PTPMT1: variants seen among roughly 807,000 people sequenced by gnomAD.
The protein encoded by PTPMT1 is phosphatidylglycerophosphatase and protein-tyrosine phosphatase 1.
A neutral mutation model predicts 17.8 loss-of-function variants in PTPMT1; 12 were observed. That is an observed-to-expected ratio of 0.67 (90% CI 0.43 to 1.09). The LOEUF (loss-of-function observed/expected upper bound fraction) is 1.09, where lower values mean the gene tolerates loss of function less well. PTPMT1 is among the 50% of genes least tolerant of loss of function. PTPMT1 has a pLI of 0.00. For missense variants in PTPMT1, 262 were observed against 266.0 expected, an observed-to-expected ratio of 0.99 and a Z score of 0.10; for synonymous variants, 132 against 116.8, an observed-to-expected ratio of 1.13 and a Z score of -0.84.
At chr11:47,568,937 C>T (rs568044068) in intron 2 of PTPMT1, among the ~76,000 whole-genome samples, 3 of 151,716 alleles carry the variant, frequency 2.0e-5, no homozygotes, top group East Asian at 2.0e-4. Flanking sequence ...GTGATCTGCC[C>T]GCCTTGGCCT....
chr11:47,569,691 T>C lies in PTPMT1; in HGVS notation c.256-9T>C. 1 of 1,592,266 alleles carries C rather than the reference T, an allele frequency of 6.3e-7. No homozygotes were observed. Among genetic ancestry groups the C allele is most frequent in the Non-Finnish European group, 8.6e-7 (1 of 1,168,326 alleles). ...ATTCTCTTTTTCATACTGGTGGACC[T>C]GGTTCCAGGAGTGGAAGAGACTAGG... On this transcript the variant is annotated splice_polypyrimidine_tract_variant and intron_variant, in intron 2 of 3. Transcript: ENST00000326674.
rs1011137439 is a variant in PTPMT1 at position 47,571,928 on chromosome 11, T to C, written c.*299T>C. On this transcript the variant is annotated 3_prime_UTR_variant, in exon 4 of 4. Coordinates refer to ENST00000326674, the MANE Select transcript of PTPMT1 (RefSeq NM_175732.3). ...ACAAAAATCTATTATGTACCTAATA[T>C]TGTGCCTAATAATATTTAGCACCAC... The C allele has an allele frequency of 4.8e-6, 1 of 209,984 alleles. No homozygotes were observed. The highest frequency in any genetic ancestry group is 5.7e-5 in the Admixed American group (1 of 17,450). 13.0% of individuals were successfully genotyped at this position (209,984 alleles called of 1,614,324 possible).
In PTPMT1 at chr11:47,565,806, G is replaced by A. The variant is rs774485961; in HGVS notation, c.174+10G>A. ...GAGCTTGACGCGCCAGGTGAGCCGG[G>A]CCGGGGAGCCCGGGCCCCTGCCCCG... is the stretch of plus-strand genomic sequence containing the variant. On this transcript the variant is annotated intron_variant, in intron 1 of 3. Coordinates refer to ENST00000326674, the MANE Select transcript of PTPMT1 (RefSeq NM_175732.3). The A allele has an allele frequency of 1.1e-5, 18 of 1,585,826 alleles. No individual in the cohort carries two copies. Among genetic ancestry groups the A allele is most frequent in the East Asian group, 2.3e-5 (1 of 42,980 alleles).
chr11:47,569,844 G>A lies in PTPMT1; in HGVS notation c.400G>A (p.Ala134Thr). ...LGQCVYVHCK[A>T]GRSRSATMVA... ...CCAGTGTGTTTACGTGCATTGTAAG[G>A]CTGGGCGCTCCAGGAGTGCCACTAT... The change falls in exon 3 of 4, where the codon GCT becomes ACT. Residue 134 changes from alanine to threonine, a missense_variant. Coordinates refer to ENST00000326674, the MANE Select transcript of PTPMT1 (RefSeq NM_175732.3). 6.2e-7 allele frequency: 1 copy of A among 1,613,852 alleles called. No homozygotes were observed. Among genetic ancestry groups the A allele is most frequent in the Non-Finnish European group, 8.5e-7 (1 of 1,180,008 alleles).
rs189252183 is a variant in PTPMT1, at chr11:47,572,088, A to G, written c.*459A>G. 8.2e-4 allele frequency: 128 copies of G among 155,990 alleles called. No individual in the cohort carries two copies. Among genetic ancestry groups the G allele is most frequent in the African/African-American group, 3.0e-3 (124 of 41,602 alleles). 9.7% of individuals were successfully genotyped at this position (155,990 alleles called of 1,614,324 possible). On this transcript the variant is annotated 3_prime_UTR_variant, in exon 4 of 4. Transcript: ENST00000326674. ...AGTGGGAGCATGGGCTGCAGTCAGGACTGCTGCAGACTGAGCCATGTGATG... is the reference window on the plus strand; with the variant it reads ...AGTGGGAGCATGGGCTGCAGTCAGGGCTGCTGCAGACTGAGCCATGTGATG...
chr11:47,568,574 T>C (rs977211369), intron 2 of PTPMT1, among the ~76,000 whole-genome samples: 1 of 152,016 alleles, frequency 6.6e-6, no homozygotes, highest in Non-Finnish European at 1.5e-5. Flanking sequence ...CACAGCTACT[T>C]GGGAGGCTGA....
chr11:47,571,454 C>G lies in PTPMT1; in HGVS notation c.448-17C>G. On this transcript the variant is annotated splice_polypyrimidine_tract_variant and intron_variant, in intron 3 of 3. Coordinates refer to ENST00000326674, the MANE Select transcript of PTPMT1 (RefSeq NM_175732.3). ...GCTTCTTTCTTTCTCTGCTGATTTC[C>G]CAACCCTGTACTTCAGGTGCACAAA... The G allele has an allele frequency of 1.9e-6, 3 of 1,612,472 alleles. No individual in the cohort carries two copies. The highest frequency in any genetic ancestry group is 2.5e-6 in the Non-Finnish European group (3 of 1,179,438).
In PTPMT1 at chr11:47,573,143, TA is replaced by T; in HGVS notation, c.*1515del. 6.2e-7 allele frequency: 1 copy of T among 1,614,172 alleles called. No individual in the cohort carries two copies. Among genetic ancestry groups the T allele is most frequent in the Non-Finnish European group, 8.5e-7 (1 of 1,180,036 alleles). On this transcript the variant is annotated 3_prime_UTR_variant, in exon 4 of 4. Transcript: ENST00000326674. This position sits in a 1 kb window ranked among gnomAD's most constrained non-coding sequence, Gnocchi z 4.1. Reference sequence around the variant, plus strand: ...GAAGGCAAAGCCGGGTGAAGCTGTCTAGCAAGGGATTGTAGCACACCAGGGA... The same window carrying T: ...GAAGGCAAAGCCGGGTGAAGCTGTCTGCAAGGGATTGTAGCACACCAGGGA...
In PTPMT1 at chr11:47,565,808, C is replaced by G; in HGVS notation, c.174+12C>G. The stretch of plus-strand genomic sequence containing the variant: ...GCTTGACGCGCCAGGTGAGCCGGGC[C>G]GGGGAGCCCGGGCCCCTGCCCCGTC... On this transcript the variant is annotated intron_variant, in intron 1 of 3. Transcript: ENST00000326674. 1 of 1,583,250 alleles carries G rather than the reference C, an allele frequency of 6.3e-7. No individual in the cohort carries two copies. The highest frequency in any genetic ancestry group is 8.6e-7 in the Non-Finnish European group (1 of 1,166,012).
In PTPMT1 at chr11:47,571,538, G is replaced by A; in HGVS notation, c.515G>A (p.Arg172Lys). 6.2e-7 allele frequency: 1 copy of A among 1,613,974 alleles called. No individual in the cohort carries two copies. Among genetic ancestry groups the A allele is most frequent in the Non-Finnish European group, 8.5e-7 (1 of 1,179,988 alleles). The change falls in exon 4 of 4, where the codon AGG becomes AAG. Residue 172 changes from arginine to lysine, a missense_variant. Arg to Lys is a conservative substitution (Grantham distance 26, BLOSUM62 2). Coordinates refer to ENST00000326674, the MANE Select transcript of PTPMT1 (RefSeq NM_175732.3). Reference protein sequence around the residue: ...IAKIRSYIHIRPGQLDVLKEF... With the variant: ...IAKIRSYIHIKPGQLDVLKEF... ...AAGATCCGGTCATACATCCACATCAGGCCTGGCCAGCTGGATGTTCTTAAA... is the reference window on the plus strand; with the variant it reads ...AAGATCCGGTCATACATCCACATCAAGCCTGGCCAGCTGGATGTTCTTAAA...
intron 3 of PTPMT1, among the ~76,000 whole-genome samples, chr11:47,570,900 G>A (rs1442357938): frequency 6.6e-6 from 1 of 152,180 alleles, no homozygotes; most frequent in Non-Finnish European, 1.5e-5. Context: ...GGTCATAAGG[G>A]CTCTGCTGGA....
chr11:47,571,052 C>T (rs779395130), intron 3 of PTPMT1, among the ~76,000 whole-genome samples: 29 of 152,286 alleles, frequency 1.9e-4, no homozygotes, highest in Non-Finnish European at 3.7e-4. Context: ...TTATGAGTTA[C>T]TTGTTTTTCT....
chr11:47,570,628 A>G (rs1248649313), intron 3 of PTPMT1, among the ~76,000 whole-genome samples: 3 of 152,230 alleles, frequency 2.0e-5, no homozygotes, highest in Admixed American at 6.5e-5. Flanking sequence ...TTCTTCAAGT[A>G]TTCCAGAGTA....
In PTPMT1 at chr11:47,573,061, TGCTCCCG is replaced by T. The variant is rs1168701674; in HGVS notation, c.*1433_*1439del. 6.2e-7 allele frequency: 1 copy of T among 1,614,116 alleles called. No individual in the cohort carries two copies. The highest frequency in any genetic ancestry group is 8.5e-7 in the Non-Finnish European group (1 of 1,180,020). Reference sequence around the variant, plus strand: ...TTATATCGGTCCCGGAAGACATAGATGCTCCCGTTACAGCTGGCAATCTTCCAGAGGG... The same window carrying T: ...TTATATCGGTCCCGGAAGACATAGATTTACAGCTGGCAATCTTCCAGAGGG... On this transcript the variant is annotated 3_prime_UTR_variant, in exon 4 of 4. Transcript: ENST00000326674. The surrounding 1 kb of genome is among the most constrained non-coding windows in gnomAD (Gnocchi z 4.1).
chr11:47,571,697 C>T lies in PTPMT1; in HGVS notation c.*68C>T, dbSNP rs773360194. On this transcript the variant is annotated 3_prime_UTR_variant, in exon 4 of 4. Transcript: ENST00000326674. ...CAGAACAAAAAGAGCTTAACAGGAC[C>T]AACAGGGCTTAAGCCCAGACTTGAC... 36 of 1,463,372 alleles carry T rather than the reference C, an allele frequency of 2.5e-5. No individual in the cohort carries two copies. Among genetic ancestry groups the T allele is most frequent in the Admixed American group, 1.9e-5 (1 of 51,694 alleles). The allele number at this position is 1,463,372 out of a possible 1,614,324, so 90.6% of individuals were successfully genotyped here.
In PTPMT1 at chr11:47,573,397, G is replaced by C. The variant is rs2097253302; in HGVS notation, c.*1768G>C. 3.7e-6 allele frequency: 6 copies of C among 1,614,204 alleles called. No individual in the cohort carries two copies. The highest frequency in any genetic ancestry group is 5.1e-6 in the Non-Finnish European group (6 of 1,180,040). On this transcript the variant is annotated 3_prime_UTR_variant, in exon 4 of 4. Coordinates refer to ENST00000326674, the MANE Select transcript of PTPMT1 (RefSeq NM_175732.3). This position sits in a 1 kb window ranked among gnomAD's most constrained non-coding sequence, Gnocchi z 4.1. ...GCAGCCCCTGACACAGCCACCTCTA[G>C]CTGAGTTGTCTCTGTCCACACATTA...
In PTPMT1 at chr11:47,571,795, CTG is replaced by C. The variant is rs1383926322; in HGVS notation, c.*168_*169del. 6.2e-6 allele frequency: 4 copies of C among 641,404 alleles called. No homozygotes were observed. The African/African-American group carries it at 7.3e-5, about 12-fold the overall frequency. The allele number at this position is 641,404 out of a possible 1,614,324, so 39.7% of individuals were successfully genotyped here. On this transcript the variant is annotated 3_prime_UTR_variant, in exon 4 of 4. Coordinates refer to ENST00000326674, the MANE Select transcript of PTPMT1 (RefSeq NM_175732.3). Reference sequence around the variant, plus strand: ...CTTGTTTTGTTTTCTTGAAATAACACTGTTGTGTGGCTAGAAAGGAAAAGATT... The same window carrying C: ...CTTGTTTTGTTTTCTTGAAATAACACTTGTGTGGCTAGAAAGGAAAAGATT...
intron 3 of PTPMT1, 60 bp downstream of exon 3, chr11:47,569,951 G>C: frequency 7.1e-7 from 1 of 1,408,172 alleles, no homozygotes; most frequent in Non-Finnish European, 9.8e-7. Context: ...CAGCACTTTG[G>C]GAGGCTTGAG....
intron 3 of PTPMT1, 97 bp from the exon 4 acceptor site, chr11:47,571,374 T>C: frequency 1.9e-6 from 2 of 1,048,192 alleles, no homozygotes; most frequent in Non-Finnish European, 2.8e-6. Flanking sequence ...TCCAAAGAAA[T>C]GAAATCTCAG....
Sources: allele counts gnomAD v4.1 joint callset (sites outside exome capture counted in the v4.1 genomes callset), GRCh38; gene constraint gnomAD v4.1.1; non-coding constraint Gnocchi (gnomAD v3.1); transcripts MANE v1.5; gene names NCBI Gene and HGNC (gene_info 2026-07-23, HGNC 2026-07-21).